PDGFD: variants seen among roughly 807,000 people sequenced by gnomAD.
PDGFD encodes the protein platelet-derived growth factor D.
Under a neutral mutation model 44.7 loss-of-function variants are expected in PDGFD, and 30 were observed. The ratio of observed to expected loss-of-function variants is 0.67; its 90% CI spans 0.50 to 0.91. The LOEUF (loss-of-function observed/expected upper bound fraction) is 0.91. Ranked by LOEUF, PDGFD falls within the 40% of genes least tolerant of loss-of-function variation. The probability of loss-of-function intolerance (pLI) is 0.00; values close to 1 mark genes in which losing one functional copy is unlikely to be tolerated. For missense variants in PDGFD, 445 were observed against 457.8 expected (o/e 0.97, Z 0.25); for synonymous variants, 173 against 168.4 (o/e 1.03, Z -0.21).
chr11:103,943,751 T>G, intron 4 of PDGFD, 101 bp from the exon 5 acceptor site: 1 of 939,358 alleles, frequency 1.1e-6, no homozygotes, highest in Non-Finnish European at 1.6e-6. Flanking sequence ...GGCTTCTGAG[T>G]ATAAGACATC....
chr11:104,104,366 T>C (rs576668498), intron 1 of PDGFD, among the ~76,000 whole-genome samples: 4 of 152,136 alleles, frequency 2.6e-5, no homozygotes, highest in Admixed American at 6.6e-5. Flanking sequence ...TAGTGTACAG[T>C]AATGTTCTAG....
intron 3 of PDGFD, among the ~76,000 whole-genome samples, chr11:103,966,417 C>A (rs7952283): frequency 0.14 from 20,929 of 152,056 alleles, 1,507 homozygotes; most frequent in South Asian, 0.18. Context: ...AGAAAAACAT[C>A]CCCAATAGTC....
At chr11:104,156,810 C>A (rs1011540986) in intron 1 of PDGFD, among the ~76,000 whole-genome samples, 3 of 152,218 alleles carry the variant, frequency 2.0e-5, no homozygotes, top group Admixed American at 2.0e-4. Flanking sequence ...ACTATTTCTT[C>A]CTGTATGTGT....
At chr11:104,056,759 T>C (rs1020152517) in intron 1 of PDGFD, among the ~76,000 whole-genome samples, 10 of 152,146 alleles carry the variant, frequency 6.6e-5, no homozygotes, top group Non-Finnish European at 1.5e-4. Flanking sequence ...AAGCAATTAT[T>C]TCATACAAAA....
chr11:103,957,815 G>A (rs986586969), intron 3 of PDGFD, among the ~76,000 whole-genome samples: 4 of 152,138 alleles, frequency 2.6e-5, no homozygotes. Context: ...AGAGAGGGGT[G>A]CCGCATACCA....
At chr11:104,061,202 C>G (rs777227704) in intron 1 of PDGFD, among the ~76,000 whole-genome samples, 21 of 145,040 alleles carry the variant, frequency 1.4e-4, no homozygotes, top group Non-Finnish European at 2.7e-4. Flanking sequence ...TAGAAAATAA[C>G]AGAGTATATC....
At chr11:104,019,024 T>G (rs912550848) in intron 1 of PDGFD, among the ~76,000 whole-genome samples, 9 of 152,164 alleles carry the variant, frequency 5.9e-5, no homozygotes, top group Admixed American at 2.0e-4. Context: ...CTGCAAAGAA[T>G]GCTCACCCTC....
chr11:103,992,776 A>C (rs933510812), intron 3 of PDGFD, among the ~76,000 whole-genome samples: 1 of 152,196 alleles, frequency 6.6e-6, no homozygotes, highest in African/African-American at 2.4e-5. Context: ...AAACCGACTA[A>C]AAATGTACAT....
At chr11:103,981,087 G>C (rs1474870506) in intron 3 of PDGFD, among the ~76,000 whole-genome samples, 1 of 149,236 alleles carries the variant, frequency 6.7e-6, no homozygotes, top group Non-Finnish European at 1.5e-5. Context: ...ATATTGAGAG[G>C]TGGGGCCTAT....
intron 6 of PDGFD, among the ~76,000 whole-genome samples, chr11:103,925,258 T>C (rs1224702294): frequency 6.6e-6 from 1 of 152,236 alleles, no homozygotes; most frequent in Admixed American, 6.5e-5. Context: ...AGTGCTGCAA[T>C]AAACATATGT....
At chr11:104,142,592 C>T (rs1862101909) in intron 1 of PDGFD, among the ~76,000 whole-genome samples, 1 of 152,128 alleles carries the variant, frequency 6.6e-6, no homozygotes, top group Admixed American at 6.5e-5. Flanking sequence ...TATTACAAGT[C>T]TTCTCTGAGT....
intron 1 of PDGFD, among the ~76,000 whole-genome samples, chr11:104,116,798 T>G (rs1861647024): frequency 6.6e-6 from 1 of 151,986 alleles, no homozygotes; most frequent in Non-Finnish European, 1.5e-5. Context: ...CGTGGCATTT[T>G]CATGATAGTG....
At chr11:104,003,531 G>GA (rs1456664844) in intron 1 of PDGFD, among the ~76,000 whole-genome samples, 1 of 152,192 alleles carries the variant, frequency 6.6e-6, no homozygotes, top group Admixed American at 6.5e-5. Context: ...CACTTTGGGG[G>GA]AAAAATAGAA....
At chr11:104,000,525 T>C (rs1296695020) in intron 1 of PDGFD, among the ~76,000 whole-genome samples, 1 of 152,212 alleles carries the variant, frequency 6.6e-6, no homozygotes, top group African/African-American at 2.4e-5. Flanking sequence ...TGATGTTTAA[T>C]GACCCTTTAT....
intron 2 of PDGFD, among the ~76,000 whole-genome samples, chr11:103,997,361 C>T (rs944166685): frequency 2.6e-5 from 4 of 152,134 alleles, no homozygotes; most frequent in Non-Finnish European, 5.9e-5. Flanking sequence ...ATATGGCCTT[C>T]CTGGTCTTAC....
chr11:103,910,943 C>T (rs754501775), intron 6 of PDGFD, among the ~76,000 whole-genome samples: 19 of 152,200 alleles, frequency 1.2e-4, no homozygotes, highest in Non-Finnish European at 2.5e-4. Context: ...CGGTTTTACC[C>T]TCAAAGTGTA....
intron 1 of PDGFD, among the ~76,000 whole-genome samples, chr11:104,022,131 G>A (rs532432708): frequency 6.8e-4 from 103 of 152,236 alleles, no homozygotes; most frequent in African/African-American, 2.3e-3. Flanking sequence ...AATTATTCAC[G>A]AAAGAGTAGG....
At chr11:104,021,256 T>C (rs1859946688) in intron 1 of PDGFD, among the ~76,000 whole-genome samples, 1 of 152,196 alleles carries the variant, frequency 6.6e-6, no homozygotes, top group Non-Finnish European at 1.5e-5. Flanking sequence ...ATTCTAGAGC[T>C]GCCTTACACA....
At chr11:104,099,636 C>CAAT (rs72280494) in intron 1 of PDGFD, among the ~76,000 whole-genome samples, 15,935 of 142,584 alleles carry the variant, frequency 0.11, 941 homozygotes, top group East Asian at 0.23. Flanking sequence ...GTTTCAAAAA[C>CAAT]AATAATAATA....
Sources: allele counts gnomAD v4.1 joint callset (sites outside exome capture counted in the v4.1 genomes callset), GRCh38; gene constraint gnomAD v4.1.1; transcripts MANE v1.5; gene names NCBI Gene and HGNC (gene_info 2026-07-23, HGNC 2026-07-21).